Variants in TGFB2 observed in about 807,000 individuals in gnomAD.
TGFB2 encodes the protein transforming growth factor beta 2.
TGFB2 carries 13 observed loss-of-function variants against 42.7 expected under a neutral mutation model. The ratio of observed to expected loss-of-function variants is 0.30; its 90% confidence interval spans 0.20 to 0.48. The LOEUF is 0.48. TGFB2 is among the 20% of genes least tolerant of loss of function. The pLI, the probability that TGFB2 is intolerant of heterozygous loss-of-function variation, is 0.99. For synonymous variants in TGFB2, 193 were observed against 193.6 expected (o/e 1.00, Z 0.03); for missense variants, 390 against 517.5 (o/e 0.75, Z 2.39).
intron 1 of TGFB2, among the ~76,000 whole-genome samples, chr1:218,403,399 A>G (rs960142285): frequency 1.3e-5 from 2 of 152,210 alleles, no homozygotes; most frequent in Non-Finnish European, 2.9e-5. Flanking sequence ...CCTATGAAGG[A>G]AAAAATTCAG....
rs773177511 is a variant in TGFB2 at position 218,434,119 on chromosome 1, G to A, written c.548G>A (p.Arg183His). 1.6e-5 allele frequency: 26 copies of A among 1,613,966 alleles called. No homozygotes were observed. The highest frequency in any genetic ancestry group is 2.1e-5 in the Non-Finnish European group (25 of 1,180,020). The change falls in exon 3 of 7, where the codon CGC (arginine) becomes CAC (histidine). Residue 183 changes from arginine (R) to histidine (H), a missense_variant. Transcript: ENST00000366930. ...KSKDLTSPTQ[R>H]YIDSKVVKTR... Reference sequence around the variant, plus strand: ...AAAGATTTAACATCTCCAACCCAGCGCTACATCGACAGCAAAGTTGTGAAA... The same window carrying A: ...AAAGATTTAACATCTCCAACCCAGCACTACATCGACAGCAAAGTTGTGAAA...
chr1:218,416,952 G>T (rs1402779566), intron 2 of TGFB2, among the ~76,000 whole-genome samples: 1 of 152,204 alleles, frequency 6.6e-6, no homozygotes, highest in African/African-American at 2.4e-5. Context: ...ATGACTGTGA[G>T]GCCTCCCTAG....
At chr1:218,373,037 G>A (rs1318542175) in intron 1 of TGFB2, among the ~76,000 whole-genome samples, 2 of 151,772 alleles carry the variant, frequency 1.3e-5, no homozygotes, top group Non-Finnish European at 2.9e-5. Context: ...AATTAGCTAG[G>A]AGTGGTGGCA....
intron 2 of TGFB2, among the ~76,000 whole-genome samples, chr1:218,430,950 A>G (rs1308949101): frequency 1.3e-5 from 2 of 152,208 alleles, no homozygotes; most frequent in Non-Finnish European, 2.9e-5. Context: ...CTCCAAGAAT[A>G]TGAGGGATAT....
At position 218,434,223 on chromosome 1, in the gene TGFB2, C is replaced by T; in HGVS notation, c.643+9C>T. The T allele has an allele frequency of 6.2e-7, 1 of 1,613,208 alleles. No individual in the cohort carries two copies. On this transcript the variant is annotated intron_variant, in intron 3 of 6. Coordinates refer to ENST00000366930, the MANE Select transcript of TGFB2 (RefSeq NM_003238.6). ...ATGGCTTCACCATAAAGGTTACAAG[C>T]CACTCTCTCTTTTCCTCCCAAGATG...
intron 1 of TGFB2, among the ~76,000 whole-genome samples, chr1:218,368,750 G>A (rs1657472621): frequency 1.3e-5 from 2 of 152,066 alleles, no homozygotes; most frequent in South Asian, 2.1e-4. Flanking sequence ...CCTGGGGAAG[G>A]GCATTCTATT....
At chr1:218,402,997 C>G (rs1658780019) in intron 1 of TGFB2, among the ~76,000 whole-genome samples, 1 of 152,156 alleles carries the variant, frequency 6.6e-6, no homozygotes, top group African/African-American at 2.4e-5. Context: ...CGGGCATATT[C>G]CAGAGGAGAA....
At chr1:218,376,935 C>G (rs550034731) in intron 1 of TGFB2, among the ~76,000 whole-genome samples, 117 of 152,200 alleles carry the variant, frequency 7.7e-4, no homozygotes, top group African/African-American at 2.6e-3. Context: ...GCTCTGTTGC[C>G]CAGGCTGGAG....
At chr1:218,406,759 C>T (rs1380809460) in intron 2 of TGFB2, among the ~76,000 whole-genome samples, 6 of 152,064 alleles carry the variant, frequency 3.9e-5, no homozygotes, top group Admixed American at 3.9e-4. Context: ...TGATGCATAG[C>T]GCTCAGTGCC....
In TGFB2 at chr1:218,443,679, A is replaced by G. The variant is rs1660227989; in HGVS notation, c.*2317A>G. ...CTCATGAATGCACTGATAATATTTT[A>G]AATGCTCTATTTTAAGATCTCTTGA... On this transcript the variant is annotated 3_prime_UTR_variant, in exon 7 of 7. Coordinates refer to ENST00000366930, the MANE Select transcript of TGFB2 (RefSeq NM_003238.6). 1 of 148,030 alleles carries G rather than the reference A, an allele frequency of 6.8e-6. No homozygotes were observed. The highest frequency in any genetic ancestry group is 2.5e-5 in the African/African-American group (1 of 39,890). The allele number at this position is 148,030 out of a possible 1,614,324, so 9.2% of individuals were successfully genotyped here.
chr1:218,361,315 G>A (rs1165806693), intron 1 of TGFB2, among the ~76,000 whole-genome samples: 2 of 152,212 alleles, frequency 1.3e-5, no homozygotes, highest in African/African-American at 2.4e-5. Flanking sequence ...AAGAAAGAAA[G>A]GAAAGAAAAG....
chr1:218,375,698 AAAG>A (rs1424539030), intron 1 of TGFB2, among the ~76,000 whole-genome samples: 1 of 152,164 alleles, frequency 6.6e-6, no homozygotes, highest in African/African-American at 2.4e-5. Context: ...TCAGTCTAGA[AAAG>A]AAGAAAAGTG....
chr1:218,387,628 C>G (rs1658181560), intron 1 of TGFB2, among the ~76,000 whole-genome samples: 1 of 152,126 alleles, frequency 6.6e-6, no homozygotes, highest in African/African-American at 2.4e-5. Flanking sequence ...ATGAGATCTA[C>G]AGAGAAATCA....
At chr1:218,403,637 A>T (rs968355891) in intron 1 of TGFB2, among the ~76,000 whole-genome samples, 4 of 152,226 alleles carry the variant, frequency 2.6e-5, no homozygotes, top group South Asian at 4.1e-4. Flanking sequence ...ATATTTGGTG[A>T]ACCCTGTCCA....
In TGFB2 at chr1:218,358,152, GAC is replaced by G. The variant is rs149940337; in HGVS notation, c.346+11108_346+11109del. On this transcript the variant is annotated intron_variant, in intron 1 of 6. Coordinates refer to ENST00000366930, the MANE Select transcript of TGFB2 (RefSeq NM_003238.6). ...GAATGCAAAATTTGGTTTTGAGAAA[GAC>G]ACTGAAATGACCGCAAGTCCACTGG... 2.1e-3 allele frequency among the ~76,000 whole-genome samples: 317 copies of G among 152,304 alleles called. 2 individuals carry two copies. Among genetic ancestry groups the G allele is most frequent in the African/African-American group, 6.9e-3 (288 of 41,576 alleles).
intron 2 of TGFB2, among the ~76,000 whole-genome samples, chr1:218,420,280 T>C (rs1659414250): frequency 6.6e-6 from 1 of 152,232 alleles, no homozygotes; most frequent in African/African-American, 2.4e-5. Flanking sequence ...CAGTACAGTC[T>C]TGATTTAATT....
chr1:218,355,784 C>T (rs1442911475), intron 1 of TGFB2, among the ~76,000 whole-genome samples: 1 of 152,104 alleles, frequency 6.6e-6, no homozygotes. Flanking sequence ...ATTTTATGTG[C>T]CACTAACAAA....
At chr1:218,395,611 CTTT>C (rs35666134) in intron 1 of TGFB2, among the ~76,000 whole-genome samples, 4 of 138,602 alleles carry the variant, frequency 2.9e-5, no homozygotes, top group Non-Finnish European at 3.1e-5. Flanking sequence ...TTTTCTTTTT[CTTT>C]TTTTTTTTTT....
chr1:218,428,972 CTTTTTTTTTTTTT>C (rs34950123), intron 2 of TGFB2, among the ~76,000 whole-genome samples: 17 of 95,878 alleles, frequency 1.8e-4, no homozygotes, highest in Non-Finnish European at 3.0e-4. Context: ...CCATGAGCAT[CTTTTTTTTTTTTT>C]TTTTTTTTTT....
Sources: allele counts gnomAD v4.1 joint callset (sites outside exome capture counted in the v4.1 genomes callset), GRCh38; gene constraint gnomAD v4.1.1; transcripts MANE v1.5; gene names NCBI Gene and HGNC (gene_info 2026-07-23, HGNC 2026-07-21).